The following RBBP4 variants were observed in gnomAD, a reference collection of about 807,000 sequenced individuals.
RBBP4 encodes the protein RB binding protein 4, chromatin remodeling factor.
RBBP4 carries 3 observed loss-of-function variants against 57.2 expected under a neutral mutation model. That is an observed-to-expected ratio of 0.05 (90% CI 0.02 to 0.14). RBBP4 has a LOEUF of 0.14. Among genes scored for constraint, RBBP4 ranks in the 10% least tolerant of loss-of-function variants. RBBP4 has a pLI of 1.00. For missense variants in RBBP4, 107 were observed against 520.6 expected, an observed-to-expected ratio of 0.21 and a Z score of 7.73; for synonymous variants, 151 against 171.5, an observed-to-expected ratio of 0.88 and a Z score of 0.93.
chr1:32,672,603 A>G (rs914827207), intron 9 of RBBP4, 39 bp from the exon 10 acceptor site: 7 of 1,606,058 alleles, frequency 4.4e-6, no homozygotes, highest in Non-Finnish European at 6.0e-6. Context: ...TACTAAGGGT[A>G]AATCTGTTTT....
rs1041978620 is a variant in RBBP4, at chr1:32,684,541, T to C, written c.*4836T>C. 5.5e-6 allele frequency: 6 copies of C among 1,095,010 alleles called. No individual in the cohort carries two copies. In the East Asian group the frequency reaches 1.3e-4, roughly 24 times the overall value. The allele number at this position is 1,095,010 out of a possible 1,614,324, so 67.8% of individuals were successfully genotyped here. On this transcript the variant is annotated 3_prime_UTR_variant, in exon 12 of 12. Transcript: ENST00000373493. ...AGGTTATGAAACAGGTTCAAAGAAG[T>C]TGTGTCTTGGAAAAAAAGTGACAAT...
chr1:32,680,366 T>G lies in RBBP4; in HGVS notation c.*661T>G, dbSNP rs2148536876. On this transcript the variant is annotated 3_prime_UTR_variant, in exon 12 of 12. Transcript: ENST00000373493. ...TTTTTTTTTGTTGTTGGTTTTTTTT[T>G]TTTTTTTTTTAACTTGGGACCACCA... The G allele has an allele frequency of 6.2e-6, 7 of 1,136,758 alleles. No individual in the cohort carries two copies. Among genetic ancestry groups the G allele is most frequent in the Non-Finnish European group, 6.5e-6 (6 of 922,244 alleles). The allele number at this position is 1,136,758 out of a possible 1,614,324, so 70.4% of individuals were successfully genotyped here. A position where few individuals can be genotyped will look rare whatever the true frequency, so the allele number is the denominator to read the frequency against.
intron 4 of RBBP4, 34 bp downstream of exon 4, chr1:32,668,432 T>TCA (rs1161205287): frequency 6.5e-7 from 1 of 1,527,676 alleles, no homozygotes; most frequent in African/African-American, 1.4e-5. Context: ...TACAAATGAG[T>TCA]CACTATAGAA....
chr1:32,654,517 T>C (rs981704715), intron 2 of RBBP4, among the ~76,000 whole-genome samples: 1 of 152,218 alleles, frequency 6.6e-6, no homozygotes, highest in Non-Finnish European at 1.5e-5. Flanking sequence ...CTACTAAACA[T>C]TCTAGAACCC....
At chr1:32,661,140 A>G (rs1160783300) in intron 3 of RBBP4, among the ~76,000 whole-genome samples, 3 of 152,164 alleles carry the variant, frequency 2.0e-5, no homozygotes, top group Non-Finnish European at 4.4e-5. Flanking sequence ...TCAGTCAACC[A>G]TTGATGGACA....
At chr1:32,656,392 G>T (rs1206792618) in intron 2 of RBBP4, among the ~76,000 whole-genome samples, 1 of 151,284 alleles carries the variant, frequency 6.6e-6, no homozygotes, top group Non-Finnish European at 1.5e-5. Flanking sequence ...TTGCTCTTTC[G>T]CCCAGGCTGG....
chr1:32,673,952 T>A (rs1648987967), intron 11 of RBBP4, among the ~76,000 whole-genome samples: 1 of 151,612 alleles, frequency 6.6e-6, no homozygotes, highest in South Asian at 2.1e-4. Context: ...CAAAAAAAAA[T>A]TAGCCGGGCG....
At position 32,680,245 on chromosome 1, in the gene RBBP4, C is replaced by T. The variant is rs181724627; in HGVS notation, c.*540C>T. ...TTTCTTCAGTTAAGTCAAAACAACA[C>T]GTTCCTCTTTCCCCATATATTCATA... On this transcript the variant is annotated 3_prime_UTR_variant, in exon 12 of 12. Transcript: ENST00000373493. The T allele has an allele frequency of 3.8e-4, 440 of 1,169,554 alleles. 1 individual carries two copies. The African/African-American group carries it at 5.4e-3, about 14-fold the overall frequency. 72.4% of individuals were successfully genotyped at this position (1,169,554 alleles called of 1,614,324 possible).
intron 1 of RBBP4, 81 bp from the exon 2 acceptor site, chr1:32,651,833 A>G (rs1464195293): frequency 7.0e-7 from 1 of 1,423,428 alleles, no homozygotes; most frequent in Non-Finnish European, 9.7e-7. Flanking sequence ...GTTAGGCTGT[A>G]GGAGTCATGC....
At chr1:32,664,790 A>G (rs1294030937) in intron 3 of RBBP4, among the ~76,000 whole-genome samples, 3 of 152,030 alleles carry the variant, frequency 2.0e-5, no homozygotes, top group Non-Finnish European at 2.9e-5. Flanking sequence ...TTGCAGTTGT[A>G]TATGTGCATA....
intron 2 of RBBP4, chr1:32,652,387 C>T (rs556362383): frequency 2.3e-5 from 5 of 221,496 alleles, no homozygotes; most frequent in Non-Finnish European, 4.6e-5. Context: ...AGCAGTGGCT[C>T]ACACTTGGAA....
rs892832763 is a variant in RBBP4 at position 32,682,596 on chromosome 1, C to T, written c.*2891C>T. On this transcript the variant is annotated 3_prime_UTR_variant, in exon 12 of 12. Transcript: ENST00000373493. ...GACCAGCCTGGCCAAGATGGTGAAA[C>T]CCCGTTTCTACTAAAAATACAAAAA... 6.6e-6 allele frequency: 1 copy of T among 151,772 alleles called. No homozygotes were observed. Among genetic ancestry groups the T allele is most frequent in the African/African-American group, 2.4e-5 (1 of 41,284 alleles). The allele number at this position is 151,772 out of a possible 1,614,324, so 9.4% of individuals were successfully genotyped here. A position where few individuals can be genotyped will look rare whatever the true frequency, so the allele number is the denominator to read the frequency against.
intron 9 of RBBP4, 35 bp from the exon 10 acceptor site, chr1:32,672,607 C>A (rs1241218695): frequency 6.2e-7 from 1 of 1,607,538 alleles, no homozygotes; most frequent in Non-Finnish European, 8.5e-7. Flanking sequence ...AAGGGTAAAT[C>A]TGTTTTAACT....
chr1:32,653,649 TTTTTTTTTTTGTTTTTG>T lies in RBBP4; in HGVS notation c.164+1599_164+1615del, dbSNP rs1346393202. 2.2e-3 allele frequency among the ~76,000 whole-genome samples: 53 copies of T among 24,036 alleles called. 3 individuals are homozygous for T. The highest frequency in any genetic ancestry group is 6.6e-3 in the African/African-American group (51 of 7,730). The allele number at this position is 24,036 out of a possible 152,430, so 15.8% of individuals were successfully genotyped here. On this transcript the variant is annotated intron_variant, in intron 2 of 11. Transcript: ENST00000373493. The stretch of plus-strand genomic sequence containing the variant: ...TTTTTGTTTTCTGGTTTTTTTTTTT[TTTTTTTTTTTGTTTTTG>T]TTTTTTTTTTTGAGACGGAGTCTCC...
At position 32,686,018 on chromosome 1, in the gene RBBP4, T is replaced by G. The variant is rs1649804602; in HGVS notation, c.*6313T>G. On this transcript the variant is annotated 3_prime_UTR_variant, in exon 12 of 12. Transcript: ENST00000373493. ...TGAACATTTTCCTCTAGCCCTGGACTACTAGTACCGAAGTCACTAGTCACA... is the reference window on the plus strand; with the variant it reads ...TGAACATTTTCCTCTAGCCCTGGACGACTAGTACCGAAGTCACTAGTCACA... 6.6e-6 allele frequency: 1 copy of G among 152,206 alleles called. No homozygotes were observed. The highest frequency in any genetic ancestry group is 1.5e-5 in the Non-Finnish European group (1 of 68,040). The allele number at this position is 152,206 out of a possible 1,614,324, so 9.4% of individuals were successfully genotyped here.
chr1:32,671,878 G>A (rs1401842759), intron 8 of RBBP4, among the ~76,000 whole-genome samples: 1 of 152,110 alleles, frequency 6.6e-6, no homozygotes, highest in African/African-American at 2.4e-5. Flanking sequence ...GGGTGACAGA[G>A]CAAGACTTCC....
At chr1:32,664,858 A>G (rs1648576975) in intron 3 of RBBP4, among the ~76,000 whole-genome samples, 1 of 152,238 alleles carries the variant, frequency 6.6e-6, no homozygotes, top group South Asian at 2.1e-4. Context: ...AAATATATAA[A>G]GCAAACCACA....
chr1:32,658,550 C>CTTT lies in RBBP4; in HGVS notation c.310+989_310+991dup, dbSNP rs11419057. On this transcript the variant is annotated intron_variant, in intron 3 of 11. Coordinates refer to ENST00000373493, the MANE Select transcript of RBBP4 (RefSeq NM_005610.3). ...GCTCATGAAATGCTTAAACGCTTTC[C>CTTT]TTTTTTTTTTTTTGGAGATGGAGTC... Among the ~76,000 whole-genome samples, 595 of 139,612 alleles carry CTTT rather than the reference C, an allele frequency of 4.3e-3. 8 individuals are homozygous for CTTT. Among genetic ancestry groups the CTTT allele is most frequent in the African/African-American group, 0.013 (493 of 37,658 alleles). The allele number at this position is 139,612 out of a possible 152,430, so 91.6% of individuals were successfully genotyped here.
intron 2 of RBBP4, among the ~76,000 whole-genome samples, chr1:32,654,693 G>A (rs751600555): frequency 9.2e-5 from 14 of 152,056 alleles, no homozygotes; most frequent in Non-Finnish European, 1.8e-4. Context: ...TTTTGTTGTT[G>A]TTGTTGTTTT....
Sources: allele counts gnomAD v4.1 joint callset (sites outside exome capture counted in the v4.1 genomes callset), GRCh38; gene constraint gnomAD v4.1.1; transcripts MANE v1.5; gene names NCBI Gene and HGNC (gene_info 2026-07-23, HGNC 2026-07-21).